Variants in GRIK2 observed in about 807,000 individuals in gnomAD.
GRIK2 encodes the protein glutamate ionotropic receptor kainate type subunit 2, also known as glutamate receptor ionotropic, kainate 2.
A neutral mutation model predicts 100.3 loss-of-function variants in GRIK2; 32 were observed. The ratio of observed to expected loss-of-function variants is 0.32; its 90% confidence interval spans 0.24 to 0.43. GRIK2 has a LOEUF of 0.43. Among genes scored for constraint, GRIK2 ranks in the 20% least tolerant of loss-of-function variants. The probability of loss-of-function intolerance (pLI) is 1.00; values close to 1 mark genes in which losing one functional copy is unlikely to be tolerated. For missense variants in GRIK2, 843 were observed against 1,114.9 expected (o/e 0.76, Z 3.47); for synonymous variants, 417 against 389.4 (o/e 1.07, Z -0.83).
chr6:102,016,001 C>A lies in GRIK2; in HGVS notation c.2086-19340C>A, dbSNP rs1369564557. On this transcript the variant is annotated intron_variant, in intron 14 of 16. Coordinates refer to ENST00000369134, the MANE Select transcript of GRIK2 (RefSeq NM_021956.5). ...TCAAATAGGATAAAAGAAAAAAAATCCAAAGGGCAGCAACTTTAACTACTG... is the reference window on the plus strand; with the variant it reads ...TCAAATAGGATAAAAGAAAAAAAATACAAAGGGCAGCAACTTTAACTACTG... 2.6e-5 allele frequency among the ~76,000 whole-genome samples: 4 copies of A among 152,034 alleles called. No homozygotes were observed. In the East Asian group the frequency reaches 7.7e-4, roughly 29 times the overall value.
chr6:101,526,020 G>T (rs1333918469), intron 2 of GRIK2, among the ~76,000 whole-genome samples: 1 of 152,110 alleles, frequency 6.6e-6, no homozygotes, highest in African/African-American at 2.4e-5. Context: ...AGATCAGCGT[G>T]GATAAACCAG....
rs146649917 is a variant in GRIK2 at position 101,602,598 on chromosome 6, G to C, written c.116-19351G>C. The stretch of plus-strand genomic sequence containing the variant: ...TGGAGGGTAATTTATTGATTATACA[G>C]TGTATCTCCCTACACTTTACAAATG... On this transcript the variant is annotated intron_variant, in intron 2 of 16. Coordinates refer to ENST00000369134, the MANE Select transcript of GRIK2 (RefSeq NM_021956.5). 9.0e-3 allele frequency among the ~76,000 whole-genome samples: 1,359 copies of C among 151,408 alleles called. 7 individuals carry two copies. Among genetic ancestry groups the C allele is most frequent in the Middle Eastern group, 0.014 (4 of 294 alleles).
At chr6:101,687,768 C>T (rs929613973) in intron 7 of GRIK2, among the ~76,000 whole-genome samples, 4 of 151,614 alleles carry the variant, frequency 2.6e-5, no homozygotes, top group African/African-American at 7.3e-5. Flanking sequence ...AATTGTACTT[C>T]GTTGCATAAA....
At chr6:101,928,936 T>A (rs187847925) in intron 14 of GRIK2, among the ~76,000 whole-genome samples, 14 of 152,218 alleles carry the variant, frequency 9.2e-5, no homozygotes, top group Middle Eastern at 3.2e-3. Flanking sequence ...CAAAATGTAT[T>A]TTTTGAAACT....
intron 4 of GRIK2, among the ~76,000 whole-genome samples, chr6:101,669,405 A>G (rs746292654): frequency 6.6e-6 from 1 of 152,162 alleles, no homozygotes; most frequent in Non-Finnish European, 1.5e-5. Context: ...ATTTTGACCA[A>G]TGGACTGTAG....
chr6:101,627,244 C>T (rs779878295), intron 4 of GRIK2, among the ~76,000 whole-genome samples: 5 of 151,846 alleles, frequency 3.3e-5, no homozygotes, highest in African/African-American at 9.7e-5. Context: ...CAGGTTCAAG[C>T]GATTCTCCTG....
intron 4 of GRIK2, among the ~76,000 whole-genome samples, chr6:101,628,411 A>G (rs1158152348): frequency 6.6e-6 from 1 of 152,122 alleles, no homozygotes; most frequent in Non-Finnish European, 1.5e-5. Context: ...GGAATACATT[A>G]TTAAGAGTCC....
intron 7 of GRIK2, among the ~76,000 whole-genome samples, chr6:101,748,261 A>G (rs1172340250): frequency 6.6e-6 from 1 of 152,184 alleles, no homozygotes; most frequent in East Asian, 1.9e-4. Context: ...TCTGTTAGGG[A>G]AAGTCATGAA....
At chr6:102,065,753 A>G in intron 16 of GRIK2, 2 of 1,319,850 alleles carry the variant, frequency 1.5e-6, no homozygotes, top group Non-Finnish European at 2.1e-6. Flanking sequence ...AGTTTTGACC[A>G]TGTTATGTCA....
chr6:101,517,824 G>T (rs1204176425), intron 2 of GRIK2, among the ~76,000 whole-genome samples: 3 of 152,072 alleles, frequency 2.0e-5, no homozygotes, highest in African/African-American at 7.2e-5. Flanking sequence ...GCAATATTTG[G>T]CTATGTAATA....
At chr6:101,903,331 G>A (rs1261623980) in intron 12 of GRIK2, among the ~76,000 whole-genome samples, 3 of 151,764 alleles carry the variant, frequency 2.0e-5, no homozygotes, top group Non-Finnish European at 4.4e-5. Context: ...TTATTGAATT[G>A]TGAAGTAATG....
chr6:101,956,735 A>C (rs1791958319), intron 14 of GRIK2, among the ~76,000 whole-genome samples: 1 of 150,636 alleles, frequency 6.6e-6, no homozygotes, highest in Admixed American at 6.6e-5. Flanking sequence ...ATGGCTAAGT[A>C]GTATTACATG....
chr6:101,478,538 G>A (rs1772370491), intron 2 of GRIK2, among the ~76,000 whole-genome samples: 1 of 141,940 alleles, frequency 7.0e-6, no homozygotes, highest in Admixed American at 7.2e-5. Flanking sequence ...AATTGAGATG[G>A]AGTCTCACTC....
intron 12 of GRIK2, among the ~76,000 whole-genome samples, chr6:101,909,394 TTTA>T (rs1788497273): frequency 6.9e-6 from 1 of 144,872 alleles, no homozygotes; most frequent in Admixed American, 6.9e-5. Flanking sequence ...TTTTTTTTTT[TTTA>T]AAGATCATTT....
chr6:101,744,541 T>TATACAC (rs1554257098), intron 7 of GRIK2: 6 of 123,116 alleles, frequency 4.9e-5, no homozygotes, highest in African/African-American at 1.7e-4. Flanking sequence ...TATATATATA[T>TATACAC]ATATATATAT....
intron 2 of GRIK2, among the ~76,000 whole-genome samples, chr6:101,484,038 A>C (rs1562170449): frequency 1.3e-5 from 2 of 152,228 alleles, no homozygotes; most frequent in Admixed American, 6.5e-5. Context: ...ATATGTCAGC[A>C]TTGGTTTATA....
chr6:101,620,009 G>C (rs898152209), intron 2 of GRIK2: 2 of 152,120 alleles, frequency 1.3e-5, no homozygotes, highest in Non-Finnish European at 2.9e-5. Context: ...CTCTGTGACA[G>C]CCACTCTAAA....
intron 7 of GRIK2, among the ~76,000 whole-genome samples, chr6:101,786,672 T>C (rs891703730): frequency 6.6e-6 from 1 of 152,140 alleles, no homozygotes; most frequent in Non-Finnish European, 1.5e-5. Flanking sequence ...CTTTTGGATG[T>C]TCTGTTGAAT....
At chr6:101,714,077 A>T (rs754625263) in intron 7 of GRIK2, among the ~76,000 whole-genome samples, 6 of 151,764 alleles carry the variant, frequency 4.0e-5, no homozygotes, top group Non-Finnish European at 5.9e-5. Flanking sequence ...ATGCAAAGAA[A>T]TGTATATTTT....
Sources: gnomAD v4.1 joint callset for allele counts (sites outside exome capture counted in the v4.1 genomes callset) on GRCh38, gnomAD v4.1.1 for gene constraint, MANE v1.5 for transcripts, NCBI Gene and HGNC (gene_info 2026-07-23, HGNC 2026-07-21) for gene names.